The following SRGAP3 variants were observed in gnomAD, a reference collection of about 807,000 sequenced individuals.
SRGAP3 encodes the protein SLIT-ROBO Rho GTPase activating protein 3.
SRGAP3 carries 39 observed loss-of-function variants against 121.1 expected under a neutral mutation model. The ratio of observed to expected loss-of-function variants is 0.32; its 90% confidence interval spans 0.25 to 0.42. The LOEUF (loss-of-function observed/expected upper bound fraction) is 0.42, where lower values mean the gene tolerates loss of function less well. Among genes scored for constraint, SRGAP3 ranks in the 10% least tolerant of loss-of-function variants. SRGAP3 has a pLI of 1.00. For missense variants in SRGAP3, 1,213 were observed against 1,470.6 expected (o/e 0.82, Z 2.86); for synonymous variants, 601 against 570.0 (o/e 1.05, Z -0.77).
At position 8,985,160 on chromosome 3, in the gene SRGAP3, C is replaced by T. The variant is rs1355375012; in HGVS notation, c.*359G>A. ...TATACATGTGTATATATGCACACAT[C>T]GATATACACACACATATACGTATGT... On this transcript the variant is annotated 3_prime_UTR_variant, in exon 22 of 22. Coordinates refer to ENST00000383836, the MANE Select transcript of SRGAP3 (RefSeq NM_014850.4). The surrounding 1 kb of genome is among the most constrained non-coding windows in gnomAD (Gnocchi z 5.1). 8.0e-6 allele frequency: 3 copies of T among 375,856 alleles called. No individual in the cohort carries two copies. The highest frequency in any genetic ancestry group is 9.8e-6 in the Non-Finnish European group (2 of 204,932). The allele number at this position is 375,856 out of a possible 1,614,324, so 23.3% of individuals were successfully genotyped here. A position where few individuals can be genotyped will look rare whatever the true frequency, so the allele number is the denominator to read the frequency against.
intron 18 of SRGAP3, among the ~76,000 whole-genome samples, chr3:9,003,836 G>C (rs1398303939): frequency 2.0e-5 from 3 of 152,140 alleles, no homozygotes; most frequent in African/African-American, 4.8e-5. Context: ...CATAAGATCA[G>C]GACTTAGACA....
At chr3:9,344,763 G>A (rs973702417) in intron 1 of SRGAP3, among the ~76,000 whole-genome samples, 83 of 152,198 alleles carry the variant, frequency 5.5e-4, no homozygotes, top group African/African-American at 1.6e-3. Context: ...TTGGCCAAGC[G>A]TGGTGGCTCA....
At chr3:9,142,402 A>C (rs929539539) in intron 1 of SRGAP3, among the ~76,000 whole-genome samples, 7 of 152,212 alleles carry the variant, frequency 4.6e-5, no homozygotes, top group African/African-American at 1.7e-4. Flanking sequence ...ACATCTCCCA[A>C]TGTCGTAGCA....
At chr3:9,194,234 A>G (rs1951854312) in intron 1 of SRGAP3, 1 of 152,200 alleles carries the variant, frequency 6.6e-6, no homozygotes, top group Admixed American at 6.5e-5. Flanking sequence ...AATATGGAAA[A>G]TAGTTGAAAG....
At chr3:9,166,089 C>T (rs1323341672) in intron 1 of SRGAP3, among the ~76,000 whole-genome samples, 1 of 152,170 alleles carries the variant, frequency 6.6e-6, no homozygotes, top group African/African-American at 2.4e-5. Context: ...AAACCCAAGC[C>T]TTCCCTGACA....
chr3:8,985,012 A>G lies in SRGAP3; in HGVS notation c.*507T>C, dbSNP rs955139248. On this transcript the variant is annotated 3_prime_UTR_variant, in exon 22 of 22. Transcript: ENST00000383836. The surrounding 1 kb of genome is among the most constrained non-coding windows in gnomAD (Gnocchi z 5.1). ...GTGGCATGGATCTGAGGTAAATCTA[A>G]GTTTCATAAAAAGAAAAAGGAGATA... The G allele has an allele frequency of 5.3e-5, 12 of 228,446 alleles. No homozygotes were observed. The highest frequency in any genetic ancestry group is 9.6e-5 in the Non-Finnish European group (11 of 114,978). The allele number at this position is 228,446 out of a possible 1,614,324, so 14.2% of individuals were successfully genotyped here. A position where few individuals can be genotyped will look rare whatever the true frequency, so the allele number is the denominator to read the frequency against.
Position 8,983,497 on chromosome 3 carries a change from C to T in SRGAP3, c.*2022G>A. On this transcript the variant is annotated 3_prime_UTR_variant, in exon 22 of 22. Coordinates refer to ENST00000383836, the MANE Select transcript of SRGAP3 (RefSeq NM_014850.4). ...GTGCCAGTGACTTAACTAGGTCCCT[C>T]CCTTTGGGTGTATTTACCTTTTCGC... is the stretch of plus-strand genomic sequence containing the variant. The T allele has an allele frequency of 4.3e-6, 1 of 230,114 alleles. No homozygotes were observed. The highest frequency in any genetic ancestry group is 8.6e-6 in the Non-Finnish European group (1 of 116,096). 14.3% of individuals were successfully genotyped at this position (230,114 alleles called of 1,614,324 possible).
intron 7 of SRGAP3, among the ~76,000 whole-genome samples, chr3:9,057,273 G>A (rs1028112329): frequency 1.3e-5 from 2 of 152,184 alleles, no homozygotes; most frequent in African/African-American, 4.8e-5. Context: ...GCTGCTGGCA[G>A]GCATGTGCAC....
chr3:9,010,187 C>T, intron 18 of SRGAP3, 121 bp downstream of exon 18: 1 of 1,184,666 alleles, frequency 8.4e-7, no homozygotes, highest in Non-Finnish European at 1.2e-6. Flanking sequence ...TTCTGAAGGA[C>T]AGATGGCTGA....
chr3:9,271,455 T>A (rs920233875), intron 3 of SRGAP3, among the ~76,000 whole-genome samples: 3 of 152,226 alleles, frequency 2.0e-5, no homozygotes, highest in African/African-American at 7.2e-5. Flanking sequence ...CAGGACAGCC[T>A]ATGTCCGAGA....
chr3:9,232,418 C>T (rs1953246880), intron 1 of SRGAP3, among the ~76,000 whole-genome samples: 4 of 152,158 alleles, frequency 2.6e-5, no homozygotes, highest in Admixed American at 2.0e-4. Flanking sequence ...TTCCACCCCT[C>T]GTCCCCAAGG....
At chr3:9,125,118 T>A in intron 1 of SRGAP3, 1 of 648,808 alleles carries the variant, frequency 1.5e-6, no homozygotes, top group Non-Finnish European at 2.6e-6. Flanking sequence ...TTTTTGCCAT[T>A]GATCTAACCA....
intron 3 of SRGAP3, among the ~76,000 whole-genome samples, chr3:9,280,466 A>G (rs1267194882): frequency 2.0e-5 from 3 of 152,204 alleles, no homozygotes; most frequent in Non-Finnish European, 4.4e-5. Context: ...GTTGCCATGT[A>G]CAGCGTGGTG....
At chr3:9,091,359 A>G (rs1014867297) in intron 3 of SRGAP3, among the ~76,000 whole-genome samples, 1 of 152,070 alleles carries the variant, frequency 6.6e-6, no homozygotes, top group African/African-American at 2.4e-5. Context: ...AAAAACAACA[A>G]CAGGAAACAA....
intron 1 of SRGAP3, among the ~76,000 whole-genome samples, chr3:9,135,053 C>G (rs1325203748): frequency 6.6e-6 from 1 of 152,112 alleles, no homozygotes; most frequent in Non-Finnish European, 1.5e-5. Flanking sequence ...ACCATATTGT[C>G]CAACACAGTC....
chr3:9,196,524 G>A (rs1216174471), intron 1 of SRGAP3, among the ~76,000 whole-genome samples: 1 of 152,014 alleles, frequency 6.6e-6, no homozygotes, highest in Non-Finnish European at 1.5e-5. Context: ...CTTTTTCTTT[G>A]TTTTTAATTT....
rs573137899 is a variant in SRGAP3, at chr3:8,983,438, C to T, written c.*2081G>A. ...GGGGTGTCAAGTCCAGTCCTTCAGA[C>T]GAGGTAGTGGCTTTACCCTCCTAAC... On this transcript the variant is annotated 3_prime_UTR_variant, in exon 22 of 22. Transcript: ENST00000383836. The T allele has an allele frequency of 3.9e-5, 9 of 229,500 alleles. No homozygotes were observed. In the South Asian group the frequency reaches 5.5e-4, roughly 14 times the overall value. The allele number at this position is 229,500 out of a possible 1,614,324, so 14.2% of individuals were successfully genotyped here.
chr3:9,226,620 T>C (rs1952997030), intron 1 of SRGAP3, among the ~76,000 whole-genome samples: 1 of 152,202 alleles, frequency 6.6e-6, no homozygotes, highest in Non-Finnish European at 1.5e-5. Context: ...ACGAGAACCT[T>C]AAGTCTTTTT....
intron 9 of SRGAP3, among the ~76,000 whole-genome samples, chr3:9,048,254 C>T (rs1277773324): frequency 6.6e-6 from 1 of 152,232 alleles, no homozygotes; most frequent in Non-Finnish European, 1.5e-5. Flanking sequence ...GCCACCTCTA[C>T]ACAGGTGCCA....
Sources: allele counts gnomAD v4.1 joint callset (sites outside exome capture counted in the v4.1 genomes callset), GRCh38; gene constraint gnomAD v4.1.1; non-coding constraint Gnocchi (gnomAD v3.1); transcripts MANE v1.5; gene names NCBI Gene and HGNC (gene_info 2026-07-23, HGNC 2026-07-21).